RARB: variants seen among roughly 807,000 people sequenced by gnomAD.
The protein encoded by RARB is HBV-activated protein.
A neutral mutation model predicts 51.9 loss-of-function variants in RARB; 17 were observed. The observed-to-expected ratio is 0.33, with a 90% CI of 0.22 to 0.49. The LOEUF (loss-of-function observed/expected upper bound fraction) is 0.49, where lower values mean the gene tolerates loss of function less well. Ranked by LOEUF, RARB falls within the 20% of genes least tolerant of loss-of-function variation. The pLI is 0.99. For missense variants in RARB, 369 were observed against 550.8 expected (o/e 0.67, Z 3.30); for synonymous variants, 215 against 195.4 (o/e 1.10, Z -0.84).
At chr3:24,959,629 G>A (rs1696095927) in intron 2 of RARB, among the ~76,000 whole-genome samples, 1 of 152,232 alleles carries the variant, frequency 6.6e-6, no homozygotes, top group African/African-American at 2.4e-5. Flanking sequence ...GCCTTTGCCA[G>A]GGACACTGCC....
chr3:25,007,564 C>T (rs1351206385), intron 2 of RARB, among the ~76,000 whole-genome samples: 3 of 112,326 alleles, frequency 2.7e-5, no homozygotes, highest in Admixed American at 1.2e-4. Context: ...CATTGCATTC[C>T]AGCCTGGGCA....
At position 25,018,929 on chromosome 3, in the gene RARB, C is replaced by A. The variant is rs148780054; in HGVS notation, c.-379-41196C>A. ...AGTCATTTTTCCCCTTCCCATCCAA[C>A]TTAAGTTTATGCTACTAACCCAAAA... On this transcript the variant is annotated intron_variant, in intron 2 of 11. Coordinates refer to the RARB transcript ENST00000383772. 2.6e-4 allele frequency among the ~76,000 whole-genome samples: 40 copies of A among 152,292 alleles called. 1 individual carries two copies. The East Asian group carries it at 6.0e-3, about 23-fold the overall frequency.
chr3:24,958,683 G>C (rs912414996), intron 2 of RARB, among the ~76,000 whole-genome samples: 3 of 152,194 alleles, frequency 2.0e-5, no homozygotes, highest in Non-Finnish European at 4.4e-5. Context: ...TAATTAAATA[G>C]AAGTTATAGA....
At chr3:25,466,471 C>T (rs1432534368) in intron 2 of RARB, among the ~76,000 whole-genome samples, 2 of 152,228 alleles carry the variant, frequency 1.3e-5, no homozygotes, top group African/African-American at 2.4e-5. Flanking sequence ...GCTGGGATTA[C>T]AGGCGTGAGC....
intron 2 of RARB, among the ~76,000 whole-genome samples, chr3:24,944,563 C>A (rs1349688613): frequency 6.6e-6 from 1 of 152,138 alleles, no homozygotes; most frequent in Non-Finnish European, 1.5e-5. Context: ...AGAATTTAAA[C>A]CTACAAATGC....
intron 2 of RARB, among the ~76,000 whole-genome samples, chr3:25,047,450 C>T (rs1575135002): frequency 6.6e-6 from 1 of 152,016 alleles, no homozygotes; most frequent in Non-Finnish European, 1.5e-5. Flanking sequence ...TAAAAGAAAC[C>T]TGTGAAAAAG....
chr3:25,262,849 C>T (rs1031325181), intron 5 of RARB, among the ~76,000 whole-genome samples: 12 of 152,160 alleles, frequency 7.9e-5, no homozygotes, highest in Non-Finnish European at 5.9e-5. Context: ...CACAATATCT[C>T]TCAGTGTTCC....
chr3:25,118,442 T>C (rs911713829), intron 3 of RARB, among the ~76,000 whole-genome samples: 3 of 152,184 alleles, frequency 2.0e-5, no homozygotes, highest in East Asian at 3.9e-4. Flanking sequence ...AGTACGTATA[T>C]ACAAATTCTG....
rs562228296 is a variant in RARB, at chr3:25,240,039, T to TTTG, written c.178+65467_178+65469dup. The stretch of plus-strand genomic sequence containing the variant: ...TAAATTTTTTCCTAGGTTGTTGGTG[T>TTTG]TTGTTTGTTTTTTTTTTGTTATCGC... On this transcript the variant is annotated intron_variant, in intron 5 of 11. Coordinates refer to the RARB transcript ENST00000383772. Among the ~76,000 whole-genome samples the TTTG allele has an allele frequency of 2.6e-3, 399 of 151,278 alleles. 2 individuals are homozygous for TTTG. The highest frequency in any genetic ancestry group is 9.4e-3 in the African/African-American group (385 of 40,828).
chr3:25,404,111 AT>A (rs1483905660), intron 5 of RARB, among the ~76,000 whole-genome samples: 1 of 152,096 alleles, frequency 6.6e-6, no homozygotes, highest in Non-Finnish European at 1.5e-5. Flanking sequence ...CTCGATTCTG[AT>A]TTGAGGAAAG....
At chr3:25,184,294 T>C (rs1029390485) in intron 5 of RARB, among the ~76,000 whole-genome samples, 2 of 152,098 alleles carry the variant, frequency 1.3e-5, no homozygotes, top group Non-Finnish European at 2.9e-5. Flanking sequence ...ATTAAAAAAA[T>C]AGGGCATTTT....
intron 5 of RARB, among the ~76,000 whole-genome samples, chr3:25,184,294 T>A (rs1029390485): frequency 1.3e-5 from 2 of 152,098 alleles, no homozygotes. Context: ...ATTAAAAAAA[T>A]AGGGCATTTT....
intron 2 of RARB, among the ~76,000 whole-genome samples, chr3:25,048,949 TCA>T (rs934719026): frequency 2.6e-5 from 4 of 152,116 alleles, no homozygotes; most frequent in Non-Finnish European, 5.9e-5. Flanking sequence ...AGACGGGGTT[TCA>T]CCGTGTTAGC....
chr3:25,172,938 G>T (rs536655617), intron 4 of RARB, among the ~76,000 whole-genome samples: 1 of 152,254 alleles, frequency 6.6e-6, no homozygotes, highest in East Asian at 1.9e-4. Flanking sequence ...TTGCCAGAGG[G>T]GCAGAATTAT....
intron 5 of RARB, among the ~76,000 whole-genome samples, chr3:25,586,034 C>G (rs1701370970): frequency 6.6e-6 from 1 of 152,146 alleles, no homozygotes; most frequent in South Asian, 2.1e-4. Flanking sequence ...AAGAGCTTGA[C>G]TGGAAATTCT....
intron 2 of RARB, among the ~76,000 whole-genome samples, chr3:25,027,991 C>T (rs1697787448): frequency 6.6e-6 from 1 of 151,924 alleles, no homozygotes; most frequent in East Asian, 1.9e-4. Context: ...TTTTCAAACC[C>T]TTCTGTAAAT....
chr3:25,254,087 T>C (rs1352743858), intron 5 of RARB, among the ~76,000 whole-genome samples: 1 of 152,180 alleles, frequency 6.6e-6, no homozygotes, highest in Non-Finnish European at 1.5e-5. Flanking sequence ...ACTTAACCAA[T>C]ACAGACCAAT....
intron 3 of RARB, among the ~76,000 whole-genome samples, chr3:25,526,268 G>A (rs1698641860): frequency 6.6e-6 from 1 of 152,130 alleles, no homozygotes; most frequent in South Asian, 2.1e-4. Context: ...GGAAGGAAGT[G>A]GTCCAATATG....
intron 2 of RARB, among the ~76,000 whole-genome samples, chr3:24,997,194 T>C (rs987262942): frequency 2.0e-5 from 3 of 152,260 alleles, no homozygotes; most frequent in Non-Finnish European, 2.9e-5. Flanking sequence ...TGAACTGATA[T>C]TGTTGTTATT....
Sources: gnomAD v4.1 joint callset for allele counts (sites outside exome capture counted in the v4.1 genomes callset) on GRCh38, gnomAD v4.1.1 for gene constraint, MANE v1.5 for transcripts, NCBI Gene and HGNC (gene_info 2026-07-23, HGNC 2026-07-21) for gene names.